CNTNAP2: variants seen among roughly 807,000 people sequenced by gnomAD.
The protein encoded by CNTNAP2 is contactin-associated protein-like 2.
Under a neutral mutation model 155.2 loss-of-function variants are expected in CNTNAP2, and 98 were observed. The observed-to-expected ratio is 0.63, with a 90% CI of 0.54 to 0.75. The LOEUF is 0.75. Ranked by LOEUF, CNTNAP2 falls within the 30% of genes least tolerant of loss-of-function variation. The pLI, the probability that CNTNAP2 is intolerant of heterozygous loss-of-function variation, is 0.00. For missense variants in CNTNAP2, 1,727 were observed against 1,688.1 expected (o/e 1.02, Z -0.40); for synonymous variants, 651 against 631.2 (o/e 1.03, Z -0.47).
intron 1 of CNTNAP2, among the ~76,000 whole-genome samples, chr7:146,665,193 C>T (rs1800169019): frequency 6.6e-6 from 1 of 152,144 alleles, no homozygotes; most frequent in Non-Finnish European, 1.5e-5. Context: ...AGGTGATCTG[C>T]CCATCTTGGC....
intron 9 of CNTNAP2, among the ~76,000 whole-genome samples, chr7:147,378,281 T>TA (rs1253230232): frequency 6.6e-6 from 1 of 151,978 alleles, no homozygotes; most frequent in Non-Finnish European, 1.5e-5. Context: ...TTTTTTTCTT[T>TA]AAAAAAATTT....
chr7:146,976,223 G>C (rs61257282), intron 3 of CNTNAP2, among the ~76,000 whole-genome samples: 111 of 152,336 alleles, frequency 7.3e-4, no homozygotes, highest in African/African-American at 2.5e-3. Flanking sequence ...CACAGAAGGC[G>C]TCTGTGTGTG....
At position 148,133,541 on chromosome 7, in the gene CNTNAP2, G is replaced by A. The variant is rs1002949493; in HGVS notation, c.2555-13950G>A. 2 of 152,278 alleles carry A rather than the reference G, an allele frequency of 1.3e-5. 1 individual carries two copies. Among genetic ancestry groups the A allele is most frequent in the South Asian group, 4.2e-4 (2 of 4,816 alleles). 9.4% of individuals were successfully genotyped at this position (152,278 alleles called of 1,614,324 possible). A position where few individuals can be genotyped will look rare whatever the true frequency, so the allele number is the denominator to read the frequency against. ...TTCCACACAGTGATTTAGAGGTTCA[G>A]ACTCCTTTTCTCTGTGGCTCCACCA... On this transcript the variant is annotated intron_variant, in intron 16 of 23. Coordinates refer to ENST00000361727, the MANE Select transcript of CNTNAP2 (RefSeq NM_014141.6).
intron 1 of CNTNAP2, among the ~76,000 whole-genome samples, chr7:146,270,732 A>G (rs1388278966): frequency 2.0e-5 from 3 of 152,166 alleles, no homozygotes; most frequent in African/African-American, 7.2e-5. Flanking sequence ...AAAGCACATC[A>G]GCTCAGACCC....
intron 13 of CNTNAP2, among the ~76,000 whole-genome samples, chr7:147,751,356 A>G (rs753287947): frequency 4.0e-5 from 6 of 151,284 alleles, no homozygotes; most frequent in Non-Finnish European, 7.4e-5. Flanking sequence ...AAGTGGAGGA[A>G]TTAGGTGGTT....
chr7:147,803,267 A>G (rs567987268), intron 13 of CNTNAP2, among the ~76,000 whole-genome samples: 15 of 152,280 alleles, frequency 9.9e-5, no homozygotes, highest in Admixed American at 3.3e-4. Flanking sequence ...TTCTCTGTGG[A>G]TAGTCCAGTG....
chr7:147,224,953 G>C (rs1353103023), intron 8 of CNTNAP2, among the ~76,000 whole-genome samples: 3 of 152,094 alleles, frequency 2.0e-5, no homozygotes, highest in African/African-American at 7.2e-5. Flanking sequence ...AATGACTTTA[G>C]AGACAACTGT....
At chr7:147,625,095 T>A (rs10272430) in intron 12 of CNTNAP2, among the ~76,000 whole-genome samples, 13,671 of 152,072 alleles carry the variant, frequency 0.09, 1,706 homozygotes, top group African/African-American at 0.26. Flanking sequence ...AAGGATGGTT[T>A]CCAGAGGCTG....
chr7:146,162,224 C>G (rs144325038), intron 1 of CNTNAP2, among the ~76,000 whole-genome samples: 1 of 152,136 alleles, frequency 6.6e-6, no homozygotes, highest in African/African-American at 2.4e-5. Flanking sequence ...AGTGAACAGG[C>G]AAGCTACAGA....
At chr7:146,372,924 A>T (rs1795256036) in intron 1 of CNTNAP2, among the ~76,000 whole-genome samples, 1 of 152,234 alleles carries the variant, frequency 6.6e-6, no homozygotes, top group South Asian at 2.1e-4. Flanking sequence ...CATTCAGATG[A>T]CTACCCATCT....
At chr7:146,888,826 G>T (rs191775705) in intron 3 of CNTNAP2, among the ~76,000 whole-genome samples, 1 of 152,204 alleles carries the variant, frequency 6.6e-6, no homozygotes, top group Admixed American at 6.6e-5. Context: ...AAGAGTGGTT[G>T]CCAGGGGATA....
chr7:146,119,202 A>G (rs1797528652), intron 1 of CNTNAP2, among the ~76,000 whole-genome samples: 2 of 152,228 alleles, frequency 1.3e-5, no homozygotes, highest in African/African-American at 4.8e-5. Context: ...AAGTAGCATG[A>G]AAATCTAAAA....
intron 15 of CNTNAP2, among the ~76,000 whole-genome samples, chr7:148,005,020 T>C (rs10256166): frequency 0.065 from 9,944 of 152,294 alleles, 731 homozygotes; most frequent in African/African-American, 0.18. Flanking sequence ...ACTATCCCCA[T>C]ATTCACAGTT....
intron 8 of CNTNAP2, among the ~76,000 whole-genome samples, chr7:147,239,949 T>C (rs112241968): frequency 1.9e-3 from 288 of 152,322 alleles, no homozygotes; most frequent in Middle Eastern, 0.014. Flanking sequence ...TGGCTTTTGG[T>C]AACATGGATG....
At chr7:147,344,678 A>T (rs1442442712) in intron 9 of CNTNAP2, among the ~76,000 whole-genome samples, 1 of 152,190 alleles carries the variant, frequency 6.6e-6, no homozygotes, top group African/African-American at 2.4e-5. Context: ...GACAATTTTG[A>T]ATAATATGTG....
chr7:146,730,818 A>G (rs1226986076), intron 1 of CNTNAP2, among the ~76,000 whole-genome samples: 1 of 152,152 alleles, frequency 6.6e-6, no homozygotes, highest in Non-Finnish European at 1.5e-5. Context: ...ACCACTTCCC[A>G]TTCCTAAGGA....
intron 1 of CNTNAP2, among the ~76,000 whole-genome samples, chr7:146,586,009 A>C (rs992403878): frequency 4.7e-5 from 6 of 128,202 alleles, no homozygotes; most frequent in African/African-American, 1.5e-4. Flanking sequence ...TGTCTCAAAA[A>C]AACAACAACA....
intron 14 of CNTNAP2, among the ~76,000 whole-genome samples, chr7:147,943,056 C>T (rs1315872126): frequency 1.3e-5 from 2 of 151,816 alleles, no homozygotes; most frequent in African/African-American, 2.4e-5. Flanking sequence ...AAAATCCCCG[C>T]TTCCAACAGC....
chr7:147,387,021 C>A (rs1796636460), intron 9 of CNTNAP2, among the ~76,000 whole-genome samples: 2 of 152,080 alleles, frequency 1.3e-5, no homozygotes, highest in Non-Finnish European at 2.9e-5. Flanking sequence ...TGCAGGGAAA[C>A]TCCCATTTTT....
Sources: gnomAD v4.1 joint callset for allele counts (sites outside exome capture counted in the v4.1 genomes callset) on GRCh38, gnomAD v4.1.1 for gene constraint, MANE v1.5 for transcripts, NCBI Gene and HGNC (gene_info 2026-07-23, HGNC 2026-07-21) for gene names.